Variants in SGK1 observed in about 807,000 individuals in gnomAD.
The protein encoded by SGK1 is serum/glucocorticoid regulated kinase 1, also known as serine/threonine-protein kinase Sgk1.
SGK1 carries 26 observed loss-of-function variants against 64.2 expected under a neutral mutation model. The ratio of observed to expected loss-of-function variants is 0.40; its 90% CI spans 0.30 to 0.56. The LOEUF (loss-of-function observed/expected upper bound fraction) is 0.56, where lower values mean the gene tolerates loss of function less well. Ranked by LOEUF, SGK1 falls within the 20% of genes least tolerant of loss-of-function variation. SGK1 has a pLI of 0.38. For synonymous variants in SGK1, 265 were observed against 239.7 expected, an observed-to-expected ratio of 1.11 and a Z score of -0.98; for missense variants, 519 against 645.6, an observed-to-expected ratio of 0.80 and a Z score of 2.12.
chr6:134,177,570 C>A, intron 3 of SGK1: 2 of 887,754 alleles, frequency 2.3e-6, no homozygotes, highest in South Asian at 3.1e-5. Flanking sequence ...AACCAGAGAC[C>A]CTCTCCTACA....
chr6:134,265,207 C>G (rs1318731168), intron 1 of SGK1, among the ~76,000 whole-genome samples: 2 of 152,082 alleles, frequency 1.3e-5, no homozygotes, highest in African/African-American at 4.8e-5. Context: ...CGCCTGTAAT[C>G]CCAGCACTTT....
At chr6:134,222,911 G>A (rs1285429618) in intron 2 of SGK1, among the ~76,000 whole-genome samples, 1 of 152,148 alleles carries the variant, frequency 6.6e-6, no homozygotes, top group Non-Finnish European at 1.5e-5. Flanking sequence ...TCCAAAGGGA[G>A]TAGGGAGACT....
At chr6:134,194,050 A>C (rs1037875675) in intron 3 of SGK1, among the ~76,000 whole-genome samples, 1 of 151,994 alleles carries the variant, frequency 6.6e-6, no homozygotes, top group African/African-American at 2.4e-5. Flanking sequence ...GAACACGCCA[A>C]TGAACCTCAA....
At chr6:134,229,427 A>G (rs182505057) in intron 2 of SGK1, among the ~76,000 whole-genome samples, 9 of 152,394 alleles carry the variant, frequency 5.9e-5, no homozygotes, top group Non-Finnish European at 1.0e-4. Context: ...TTACTTAAAC[A>G]GCTGCTAAAG....
intron 3 of SGK1, among the ~76,000 whole-genome samples, chr6:134,199,428 G>A (rs1388950072): frequency 6.6e-6 from 1 of 151,856 alleles, no homozygotes; most frequent in African/African-American, 2.4e-5. Flanking sequence ...GCGTGGTGGC[G>A]GGTGCCTGTA....
At position 134,302,836 on chromosome 6, in the gene SGK1, C is replaced by A. The variant is rs191211992; in HGVS notation, c.69+14556G>T. Among the ~76,000 whole-genome samples, 785 of 152,004 alleles carry A rather than the reference C, an allele frequency of 5.2e-3. 3 individuals carry two copies. Among genetic ancestry groups the A allele is most frequent in the Non-Finnish European group, 8.3e-3 (567 of 67,972 alleles). ...GTGGGGTGATCTTGGCTCACTGCAA[C>A]CTCCACCTCCCGGGTTCAAGCAATT... On this transcript the variant is annotated intron_variant, in intron 1 of 13. Transcript: ENST00000367858.
At chr6:134,293,274 T>A (rs918606010) in intron 1 of SGK1, among the ~76,000 whole-genome samples, 1 of 152,070 alleles carries the variant, frequency 6.6e-6, no homozygotes, top group East Asian at 1.9e-4. Context: ...TGCAAAGGAG[T>A]ATTAGCCTTA....
At chr6:134,194,412 A>G (rs2114669424) in intron 3 of SGK1, among the ~76,000 whole-genome samples, 1 of 151,416 alleles carries the variant, frequency 6.6e-6, no homozygotes, top group African/African-American at 2.4e-5. Flanking sequence ...CTGTCCACCT[A>G]TTTGCCCAGT....
chr6:134,283,569 C>T (rs983528463), intron 1 of SGK1, among the ~76,000 whole-genome samples: 7 of 151,696 alleles, frequency 4.6e-5, no homozygotes, highest in African/African-American at 7.3e-5. Flanking sequence ...GAAGTCTGGC[C>T]GGGCACAGTG....
chr6:134,172,934 C>A (rs879277969), intron 8 of SGK1, 89 bp downstream of exon 8: 2 of 1,457,774 alleles, frequency 1.4e-6, no homozygotes, highest in Non-Finnish European at 1.9e-6. Context: ...ATTCTCCCCA[C>A]CAAAAATCTT....
Position 134,304,552 on chromosome 6 carries a change from G to A in SGK1, c.69+12840C>T, listed in dbSNP as rs138478449. Among the ~76,000 whole-genome samples the A allele has an allele frequency of 2.6e-5, 4 of 152,170 alleles. No individual in the cohort carries two copies. The East Asian group carries it at 7.7e-4, about 29-fold the overall frequency. ...AGGCAGGAGAATTGCTTGAATCTGGGAGGCGGAGGTTGCAGTGAGTGGAGA... is the reference window on the plus strand; with the variant it reads ...AGGCAGGAGAATTGCTTGAATCTGGAAGGCGGAGGTTGCAGTGAGTGGAGA... On this transcript the variant is annotated intron_variant, in intron 1 of 13. Transcript: ENST00000367858.
At chr6:134,234,099 A>T (rs1776328843) in intron 2 of SGK1, among the ~76,000 whole-genome samples, 3 of 152,222 alleles carry the variant, frequency 2.0e-5, no homozygotes, top group East Asian at 3.8e-4. Flanking sequence ...AGAACATTTT[A>T]AAAAACCAAT....
chr6:134,172,332 T>A lies in SGK1; in HGVS notation c.948-16A>T, dbSNP rs894495021. On this transcript the variant is annotated splice_polypyrimidine_tract_variant and intron_variant, in intron 9 of 13. Transcript: ENST00000367858. ...TTTTAAGTCTCTGTAAAAAAGTGAA[T>A]AGAAAAGTAGTTGCACAAGTTAATT... 6.5e-7 allele frequency: 1 copy of A among 1,539,600 alleles called. No homozygotes were observed. The highest frequency in any genetic ancestry group is 1.7e-5 in the Admixed American group (1 of 57,154).
At chr6:134,244,322 A>G (rs895150506) in intron 2 of SGK1, among the ~76,000 whole-genome samples, 1 of 152,182 alleles carries the variant, frequency 6.6e-6, no homozygotes, top group Non-Finnish European at 1.5e-5. Flanking sequence ...ATGGCTGCAT[A>G]GTATTCCATG....
intron 2 of SGK1, chr6:134,211,581 C>T (rs936531154): frequency 1.3e-5 from 2 of 152,198 alleles, no homozygotes; most frequent in Non-Finnish European, 2.9e-5. Flanking sequence ...AAGAGGTAGA[C>T]TTCATTACGT....
intron 2 of SGK1, among the ~76,000 whole-genome samples, chr6:134,243,336 A>G (rs1289511373): frequency 6.6e-6 from 1 of 151,932 alleles, no homozygotes; most frequent in African/African-American, 2.4e-5. Flanking sequence ...TGTAAATTCC[A>G]GTTGTATTTA....
At chr6:134,213,643 T>TAAATAAATAATA (rs11409950) in intron 2 of SGK1, among the ~76,000 whole-genome samples, 7 of 27,882 alleles carry the variant, frequency 2.5e-4, no homozygotes, top group Non-Finnish European at 8.0e-4. Flanking sequence ...AATAAATAAA[T>TAAATAAATAATA]AATAAATAAA....
rs1174734893 is a variant in SGK1 at position 134,222,667 on chromosome 6, C to T, written c.286-15236G>A. 3.9e-5 allele frequency among the ~76,000 whole-genome samples: 6 copies of T among 152,110 alleles called. 1 individual carries two copies. The highest frequency in any genetic ancestry group is 3.9e-4 in the Admixed American group (6 of 15,258). ...AAAATTTCTAATGACTGGCTGTTTT[C>T]ATCTTTCAGATTATTGTCTATGACT... On this transcript the variant is annotated intron_variant, in intron 2 of 13. Coordinates refer to ENST00000367858, the MANE Select transcript of SGK1 (RefSeq NM_001143676.3).
chr6:134,278,821 A>G (rs1302262776), intron 1 of SGK1, among the ~76,000 whole-genome samples: 1 of 152,150 alleles, frequency 6.6e-6, no homozygotes, highest in Non-Finnish European at 1.5e-5. Flanking sequence ...AATTGCTGGA[A>G]TTAAAAAAGG....
Sources: gnomAD v4.1 joint callset for allele counts (sites outside exome capture counted in the v4.1 genomes callset) on GRCh38, gnomAD v4.1.1 for gene constraint, MANE v1.5 for transcripts, NCBI Gene and HGNC (gene_info 2026-07-23, HGNC 2026-07-21) for gene names.